Variants in ARHGEF3 observed in about 807,000 individuals in gnomAD.
ARHGEF3 encodes Rho guanine nucleotide exchange factor 3, also known as 59.8 kDA protein.
In ARHGEF3, 28 loss-of-function variants were observed where a neutral mutation model predicts 63.2. The ratio of observed to expected loss-of-function variants is 0.44; its 90% CI spans 0.33 to 0.61. The LOEUF is 0.61. Ranked by LOEUF, ARHGEF3 falls within the 20% of genes least tolerant of loss-of-function variation. The probability of loss-of-function intolerance (pLI) is 0.03; values close to 1 mark genes in which losing one functional copy is unlikely to be tolerated. For synonymous variants in ARHGEF3, 266 were observed against 254.2 expected, an observed-to-expected ratio of 1.05 and a Z score of -0.44; for missense variants, 533 against 659.3, an observed-to-expected ratio of 0.81 and a Z score of 2.10.
rs755487449 is a variant in ARHGEF3 at position 56,990,532 on chromosome 3, G to C, written c.63-31643C>G. ...ACCCGGGAGGCAGAGGTTGCAGTGA[G>C]CTGAGATCATGCCACTACCTGAGAG... On this transcript the variant is annotated intron_variant, in intron 2 of 12. Coordinates refer to the ARHGEF3 transcript ENST00000338458. Among the ~76,000 whole-genome samples, 72 of 152,300 alleles carry C rather than the reference G, an allele frequency of 4.7e-4. 1 individual carries two copies. Among genetic ancestry groups the C allele is most frequent in the Non-Finnish European group, 5.6e-4 (38 of 68,014 alleles).
intron 7 of ARHGEF3, among the ~76,000 whole-genome samples, chr3:56,741,629 A>T (rs1422367195): frequency 1.4e-5 from 2 of 138,336 alleles, no homozygotes; most frequent in African/African-American, 2.7e-5. Flanking sequence ...TCAGCCTCCC[A>T]AGTAGCTGGG....
At chr3:56,865,338 G>T (rs1483349203) in intron 4 of ARHGEF3, among the ~76,000 whole-genome samples, 1 of 152,210 alleles carries the variant, frequency 6.6e-6, no homozygotes, top group African/African-American at 2.4e-5. Flanking sequence ...ACGGCAAACA[G>T]AGCAGAGCAA....
At chr3:57,067,380 A>C (rs1227987257) in intron 1 of ARHGEF3, among the ~76,000 whole-genome samples, 1 of 151,376 alleles carries the variant, frequency 6.6e-6, no homozygotes, top group Non-Finnish European at 1.5e-5. Flanking sequence ...GCGTGAACCC[A>C]GGAGGCAGAG....
intron 4 of ARHGEF3, among the ~76,000 whole-genome samples, chr3:56,858,285 C>T (rs573832702): frequency 2.0e-4 from 30 of 149,350 alleles, no homozygotes; most frequent in African/African-American, 7.1e-4. Flanking sequence ...CTTTCCTTCA[C>T]TGTAATGGTT....
At chr3:57,072,114 T>C (rs1705940010) in intron 1 of ARHGEF3, among the ~76,000 whole-genome samples, 1 of 149,550 alleles carries the variant, frequency 6.7e-6, no homozygotes, top group Non-Finnish European at 1.5e-5. Flanking sequence ...ACAAGATGGA[T>C]AATAACAAGA....
chr3:56,992,375 TAAAAAAAAAAAAAAAAAAAAAAAAAA>T (rs57740672), intron 2 of ARHGEF3, among the ~76,000 whole-genome samples: 5 of 46,154 alleles, frequency 1.1e-4, no homozygotes, highest in Admixed American at 5.9e-4. Flanking sequence ...AGGATGGCTT[TAAAAAAAAAAAAAAAAAAAAAAAAAA>T]AAAAAAAAAA....
chr3:56,890,230 A>G (rs1483700630), intron 3 of ARHGEF3, among the ~76,000 whole-genome samples: 1 of 152,234 alleles, frequency 6.6e-6, no homozygotes, highest in Non-Finnish European at 1.5e-5. Flanking sequence ...GACCTTGGGC[A>G]AATTACTTCT....
At chr3:56,745,604 G>T in intron 6 of ARHGEF3, 142 bp from the exon 7 acceptor site, 1 of 964,634 alleles carries the variant, frequency 1.0e-6, no homozygotes, top group Non-Finnish European at 1.5e-6. Context: ...ATGGCTGGAG[G>T]AAACTAGTGG....
At chr3:56,897,110 C>G (rs963328400) in intron 3 of ARHGEF3, among the ~76,000 whole-genome samples, 4 of 152,208 alleles carry the variant, frequency 2.6e-5, no homozygotes, top group Admixed American at 1.3e-4. Flanking sequence ...GCTTTCCATT[C>G]TCCACCATTT....
At chr3:56,885,238 A>G (rs1191200268) in intron 3 of ARHGEF3, among the ~76,000 whole-genome samples, 1 of 152,150 alleles carries the variant, frequency 6.6e-6, no homozygotes, top group African/African-American at 2.4e-5. Context: ...CTACAGTATT[A>G]TACCTGAGAT....
chr3:57,054,840 G>A (rs374226388), intron 1 of ARHGEF3, among the ~76,000 whole-genome samples: 37 of 151,470 alleles, frequency 2.4e-4, no homozygotes, highest in African/African-American at 6.8e-4. Flanking sequence ...TAGTAGAGAC[G>A]GGGTTTCACC....
At position 57,007,343 on chromosome 3, in the gene ARHGEF3, G is replaced by A. The variant is rs773234508; in HGVS notation, c.62+27745C>T. 5 of 1,289,730 alleles carry A rather than the reference G, an allele frequency of 3.9e-6. No homozygotes were observed. In the South Asian group the frequency reaches 4.9e-5, roughly 13 times the overall value. The allele number at this position is 1,289,730 out of a possible 1,614,324, so 79.9% of individuals were successfully genotyped here. On this transcript the variant is annotated intron_variant, in intron 2 of 12. Transcript: ENST00000338458. Reference sequence around the variant, plus strand: ...AGAAACACCTCCAACAGCCCTGAAGGAAAGACAGCCATGAAACAGTCACCA... The same window carrying A: ...AGAAACACCTCCAACAGCCCTGAAGAAAAGACAGCCATGAAACAGTCACCA...
Position 56,737,371 on chromosome 3 carries a change from G to T in ARHGEF3, c.871-16C>A. On this transcript the variant is annotated splice_polypyrimidine_tract_variant and intron_variant, in intron 7 of 9. Transcript: ENST00000296315. Reference sequence around the variant, plus strand: ...TGATATTTATCTATGAAAACAAAGAGGAAAATTAAGTATGGAGGAAAGCAG... The same window carrying T: ...TGATATTTATCTATGAAAACAAAGATGAAAATTAAGTATGGAGGAAAGCAG... The T allele has an allele frequency of 1.3e-6, 2 of 1,599,468 alleles. No homozygotes were observed. The highest frequency in any genetic ancestry group is 1.1e-5 in the South Asian group (1 of 90,392).
At chr3:56,991,733 G>A (rs1057483314) in intron 2 of ARHGEF3, among the ~76,000 whole-genome samples, 2 of 151,972 alleles carry the variant, frequency 1.3e-5, no homozygotes, top group Admixed American at 6.6e-5. Flanking sequence ...TCCCACCTCC[G>A]CCTCCCGAGT....
At chr3:57,055,331 T>A (rs929657931) in intron 1 of ARHGEF3, among the ~76,000 whole-genome samples, 1 of 151,982 alleles carries the variant, frequency 6.6e-6, no homozygotes, top group Non-Finnish European at 1.5e-5. Context: ...CTGGCTAATT[T>A]TCGTATTTTT....
chr3:56,941,224 T>C (rs1699164831), intron 3 of ARHGEF3, among the ~76,000 whole-genome samples: 1 of 152,204 alleles, frequency 6.6e-6, no homozygotes, highest in East Asian at 1.9e-4. Flanking sequence ...TGTTCTGTTT[T>C]TGAGGCAGAG....
intron 4 of ARHGEF3, among the ~76,000 whole-genome samples, chr3:56,849,107 T>C (rs2039586229): frequency 6.6e-6 from 1 of 152,218 alleles, no homozygotes; most frequent in Non-Finnish European, 1.5e-5. Flanking sequence ...TTAATTTCAG[T>C]GAATCAAGCC....
rs187515866 is a variant in ARHGEF3 at position 56,866,340 on chromosome 3, G to A, written c.192+15952C>T. On this transcript the variant is annotated intron_variant, in intron 4 of 12. Transcript: ENST00000338458. ...AACCAAAACCTTATTTACCTTTTCC[G>A]AGTAAAACAAGCTAAACACACAGGG... Among the ~76,000 whole-genome samples, 20 of 152,218 alleles carry A rather than the reference G, an allele frequency of 1.3e-4. 2 individuals carry two copies. Among genetic ancestry groups the A allele is most frequent in the Middle Eastern group, 3.4e-3 (1 of 294 alleles).
At chr3:56,974,912 T>TC (rs1417274667) in intron 2 of ARHGEF3, among the ~76,000 whole-genome samples, 1 of 152,178 alleles carries the variant, frequency 6.6e-6, no homozygotes, top group Non-Finnish European at 1.5e-5. Context: ...TAACCAGGAC[T>TC]CCTTGTTTGT....
Sources: gnomAD v4.1 joint callset for allele counts (sites outside exome capture counted in the v4.1 genomes callset) on GRCh38, gnomAD v4.1.1 for gene constraint, MANE v1.5 for transcripts, NCBI Gene and HGNC (gene_info 2026-07-23, HGNC 2026-07-21) for gene names.